Variants in SMIM10L3 observed in about 807,000 individuals in gnomAD.
SMIM10L3 encodes small integral membrane protein 10 like 3, also known as salivary gland specific protein SAGSIN1.
At chr7:6,337,328 G>A in the SMIM10L3 span, among the ~76,000 whole-genome samples, 1 of 151,608 alleles carries the variant, frequency 6.6e-6, no homozygotes, top group Non-Finnish European at 1.5e-5. Flanking sequence ...TACCATGATG[G>A]CCAGGCTGGT....
the SMIM10L3 span, among the ~76,000 whole-genome samples, chr7:6,345,785 T>C: frequency 6.0e-4 from 91 of 152,144 alleles, no homozygotes; most frequent in African/African-American, 2.1e-3. Context: ...TATTATTTTT[T>C]TGAGACAGAG....
the SMIM10L3 span, among the ~76,000 whole-genome samples, chr7:6,336,547 T>G: frequency 3.3e-5 from 5 of 151,682 alleles, no homozygotes; most frequent in Non-Finnish European, 7.4e-5. Flanking sequence ...TGGGTATGGT[T>G]GCACATGCCT....
At chr7:6,341,819 G>C in the SMIM10L3 span, 1 of 151,916 alleles carries the variant, frequency 6.6e-6, no homozygotes, top group African/African-American at 2.4e-5. Flanking sequence ...CCATCACGGT[G>C]AAACTCTGTC....
At chr7:6,329,832 C>G in the SMIM10L3 span, 1 of 167,254 alleles carries the variant, frequency 6.0e-6, no homozygotes, top group African/African-American at 2.4e-5. Context: ...CACCACAGGG[C>G]CTCTGTCTAA....
the SMIM10L3 span, chr7:6,348,625 T>G: frequency 4.0e-6 from 2 of 499,272 alleles, no homozygotes; most frequent in South Asian, 3.1e-5. Flanking sequence ...GTAGGGGAAG[T>G]TGATACGCAG....
At chr7:6,347,776 C>G in the SMIM10L3 span, among the ~76,000 whole-genome samples, 1 of 151,778 alleles carries the variant, frequency 6.6e-6, no homozygotes, top group African/African-American at 2.4e-5. Flanking sequence ...TCTATGCAGG[C>G]CAGATGTGGT....
At chr7:6,348,250 T>G in the SMIM10L3 span, among the ~76,000 whole-genome samples, 35 of 147,330 alleles carry the variant, frequency 2.4e-4, no homozygotes, top group Admixed American at 5.5e-4. Context: ...GGTTGCAAAG[T>G]TTGGGAACTA....
At chr7:6,333,792 A>G in the SMIM10L3 span, among the ~76,000 whole-genome samples, 1 of 147,376 alleles carries the variant, frequency 6.8e-6, no homozygotes, top group African/African-American at 2.5e-5. Flanking sequence ...TTTTTAATAG[A>G]GACAGGGTCT....
the SMIM10L3 span, among the ~76,000 whole-genome samples, chr7:6,336,485 A>G: frequency 6.6e-6 from 1 of 152,172 alleles, no homozygotes; most frequent in Admixed American, 6.6e-5. Flanking sequence ...GTTTGAGACC[A>G]GCCTGGCCAA....
At chr7:6,347,115 C>T in the SMIM10L3 span, among the ~76,000 whole-genome samples, 3 of 152,068 alleles carry the variant, frequency 2.0e-5, no homozygotes, top group Admixed American at 1.3e-4. Flanking sequence ...TCACTTGAGG[C>T]CAGAAGTTCA....
chr7:6,331,860 C>A, the SMIM10L3 span, among the ~76,000 whole-genome samples: 2 of 150,850 alleles, frequency 1.3e-5, no homozygotes, highest in Admixed American at 6.7e-5. Flanking sequence ...CCTGCCTTAG[C>A]CTTTTGAGTA....
At chr7:6,329,471 C>T in the SMIM10L3 span, 1 of 152,576 alleles carries the variant, frequency 6.6e-6, no homozygotes, top group African/African-American at 2.4e-5. Context: ...TCCCCAAACA[C>T]TAAAATAGCA....
At chr7:6,339,264 C>A in the SMIM10L3 span, among the ~76,000 whole-genome samples, 1 of 151,776 alleles carries the variant, frequency 6.6e-6, no homozygotes, top group Non-Finnish European at 1.5e-5. Flanking sequence ...GCCTAGGAGC[C>A]GGAGACCAGC....
chr7:6,336,117 A>G, the SMIM10L3 span, among the ~76,000 whole-genome samples: 1 of 151,116 alleles, frequency 6.6e-6, no homozygotes, highest in African/African-American at 2.4e-5. Context: ...AGGTTACAGT[A>G]AGCCAAGATA....
At chr7:6,348,943 CT>C in the SMIM10L3 span, 1 of 380,456 alleles carries the variant, frequency 2.6e-6, no homozygotes, top group Non-Finnish European at 4.6e-6. Context: ...GAGCAGCCGC[CT>C]GTACCAGCCT....
At chr7:6,336,545 G>T in the SMIM10L3 span, among the ~76,000 whole-genome samples, 2 of 151,882 alleles carry the variant, frequency 1.3e-5, no homozygotes, top group East Asian at 3.9e-4. Context: ...GCTGGGTATG[G>T]TTGCACATGC....
the SMIM10L3 span, chr7:6,331,176 T>G: frequency 8.1e-6 from 13 of 1,601,540 alleles, no homozygotes; most frequent in African/African-American, 2.7e-5. Flanking sequence ...TTGGATGCGG[T>G]GGGCCTGAGG....
the SMIM10L3 span, among the ~76,000 whole-genome samples, chr7:6,341,446 A>T: frequency 2.1e-5 from 3 of 140,748 alleles, no homozygotes; most frequent in African/African-American, 3.1e-5. Flanking sequence ...TGTCTCAAAA[A>T]AATAATAATA....
At chr7:6,331,584 G>C in the SMIM10L3 span, among the ~76,000 whole-genome samples, 1 of 152,018 alleles carries the variant, frequency 6.6e-6, no homozygotes, top group Non-Finnish European at 1.5e-5. Flanking sequence ...GTTTCACCAA[G>C]TTAGCTGGGA....
Sources: allele counts gnomAD v4.1 joint callset (sites outside exome capture counted in the v4.1 genomes callset), GRCh38; gene constraint gnomAD v4.1.1; transcripts MANE v1.5; gene names NCBI Gene and HGNC (gene_info 2026-07-23, HGNC 2026-07-21).